NUP62CL: variants seen among roughly 807,000 people sequenced by gnomAD.
NUP62CL encodes the protein nucleoporin-62 C-terminal-like protein.
A neutral mutation model predicts 15.3 loss-of-function variants in NUP62CL; 13 were observed. The observed-to-expected ratio is 0.85, with a 90% confidence interval of 0.55 to 1.35. The LOEUF (loss-of-function observed/expected upper bound fraction) is 1.35. NUP62CL is among the 40% of genes most tolerant of loss of function. The pLI, the probability that NUP62CL is intolerant of heterozygous loss-of-function variation, is 0.00. For missense variants in NUP62CL, 123 were observed against 130.6 expected (o/e 0.94, Z 0.28); for synonymous variants, 54 against 49.2 (o/e 1.10, Z -0.41).
At chrX:107,125,036 AGGTT>A (rs1925355549) in intron 8 of NUP62CL, among the ~76,000 whole-genome samples, 2 of 111,724 alleles carry the variant, frequency 1.8e-5, no homozygotes, top group Non-Finnish European at 3.8e-5. Context: ...TGGAAAACAT[AGGTT>A]TAAACTGCGC....
At chrX:107,189,940 AGAAAG>A (rs1927197530) in intron 2 of NUP62CL, among the ~76,000 whole-genome samples, 2 of 104,713 alleles carry the variant, frequency 1.9e-5, no homozygotes, top group East Asian at 2.9e-4. Flanking sequence ...AAAGAAAGAA[AGAAAG>A]AGAATCGATA....
chrX:107,196,746 G>A lies in NUP62CL; in HGVS notation c.-91-3674C>T, dbSNP rs770162807. ...ATTACAGGTGTGAGCCACCACGCCCGGCCTCCTTTATGTATTTCAAGACTG... is the reference window on the plus strand; with the variant it reads ...ATTACAGGTGTGAGCCACCACGCCCAGCCTCCTTTATGTATTTCAAGACTG... On this transcript the variant is annotated intron_variant, in intron 1 of 8. Coordinates refer to ENST00000372466, the MANE Select transcript of NUP62CL (RefSeq NM_017681.3). 3.7e-4 allele frequency among the ~76,000 whole-genome samples: 42 copies of A among 112,022 alleles called. No homozygotes were observed. In the South Asian group the frequency reaches 8.2e-3, roughly 22 times the overall value.
chrX:107,182,591 G>A (rs1388815998), intron 2 of NUP62CL, among the ~76,000 whole-genome samples: 1 of 110,898 alleles, frequency 9.0e-6, no homozygotes, highest in Admixed American at 9.6e-5. Context: ...GCATGCTACA[G>A]TAACAAAAAT....
chrX:107,163,399 A>C (rs929882837), intron 4 of NUP62CL, among the ~76,000 whole-genome samples: 1 of 110,912 alleles, frequency 9.0e-6, no homozygotes, highest in African/African-American at 3.3e-5. Context: ...ACAAGATGAA[A>C]CCCCCCCAAA....
chrX:107,180,752 A>G (rs973823015), intron 2 of NUP62CL, among the ~76,000 whole-genome samples: 1 of 111,242 alleles, frequency 9.0e-6, no homozygotes, highest in Non-Finnish European at 1.9e-5. Context: ...AAAGATGCAG[A>G]TGGGGAATAA....
chrX:107,166,589 A>G (rs1926520942), intron 4 of NUP62CL, among the ~76,000 whole-genome samples: 1 of 112,196 alleles, frequency 8.9e-6, no homozygotes, highest in African/African-American at 3.2e-5. Context: ...CCACAGAAAT[A>G]CTTATATTCA....
At chrX:107,170,115 C>T (rs1165981983) in intron 3 of NUP62CL, among the ~76,000 whole-genome samples, 5 of 101,417 alleles carry the variant, frequency 4.9e-5, no homozygotes, top group South Asian at 4.4e-4. Context: ...GCTAAGTGAG[C>T]GACAGAGCGA....
intron 1 of NUP62CL, 85 bp from the exon 2 acceptor site, chrX:107,193,157 C>T (rs999652705): frequency 1.8e-5 from 2 of 112,255 alleles, no homozygotes; most frequent in East Asian, 5.6e-4. Flanking sequence ...AGAAGCCACA[C>T]TGGAGTTGCT....
At chrX:107,173,233 G>A (rs1926693276) in intron 3 of NUP62CL, among the ~76,000 whole-genome samples, 1 of 112,137 alleles carries the variant, frequency 8.9e-6, no homozygotes, top group Non-Finnish European at 1.9e-5. Context: ...AAAAACCATG[G>A]TCAAACCATT....
chrX:107,177,612 C>A (rs776753651), intron 2 of NUP62CL, among the ~76,000 whole-genome samples: 5 of 111,459 alleles, frequency 4.5e-5, no homozygotes, highest in South Asian at 3.8e-4. Flanking sequence ...AAATGGCCAA[C>A]AAAGCACATG....
intron 2 of NUP62CL, among the ~76,000 whole-genome samples, chrX:107,189,828 G>GGGAA (rs147140354): frequency 0.2 from 10,793 of 53,537 alleles, 1,619 homozygotes; most frequent in Non-Finnish European, 0.23. Flanking sequence ...GAAAGAAGGA[G>GGGAA]GGAAGGAAGG....
intron 3 of NUP62CL, among the ~76,000 whole-genome samples, chrX:107,174,219 T>G (rs1043155273): frequency 9.6e-6 from 1 of 103,731 alleles, no homozygotes; most frequent in Non-Finnish European, 2.0e-5. Context: ...TGGTGCAATC[T>G]TGGCTCACTG....
At chrX:107,145,399 G>A (rs1371134974) in intron 8 of NUP62CL, among the ~76,000 whole-genome samples, 1 of 111,144 alleles carries the variant, frequency 9.0e-6, no homozygotes, top group Non-Finnish European at 1.9e-5. Context: ...TTTAGGCAAA[G>A]TCTATAAAAA....
intron 1 of NUP62CL, among the ~76,000 whole-genome samples, chrX:107,200,527 G>A (rs1384085609): frequency 1.8e-5 from 2 of 109,014 alleles, no homozygotes. Context: ...GCTGAGGCAG[G>A]AGAATCGCTT....
intron 2 of NUP62CL, among the ~76,000 whole-genome samples, chrX:107,189,713 G>A (rs1927160077): frequency 9.4e-6 from 1 of 106,559 alleles, no homozygotes. Context: ...CTTGAGCCTG[G>A]GAGGTCGAGG....
chrX:107,168,578 C>A (rs947296513), intron 3 of NUP62CL, among the ~76,000 whole-genome samples: 2 of 112,225 alleles, frequency 1.8e-5, no homozygotes, highest in Admixed American at 1.9e-4. Flanking sequence ...TAAATTTCTG[C>A]AGCACTTTTG....
At chrX:107,133,983 T>A (rs182164329) in intron 8 of NUP62CL, among the ~76,000 whole-genome samples, 1 of 112,154 alleles carries the variant, frequency 8.9e-6, no homozygotes, top group East Asian at 2.8e-4. Flanking sequence ...CTGCAAAGTC[T>A]CTTTTGCTAG....
intron 2 of NUP62CL, among the ~76,000 whole-genome samples, chrX:107,176,164 G>A (rs1018871077): frequency 9.0e-6 from 1 of 111,533 alleles, no homozygotes; most frequent in African/African-American, 3.3e-5. Flanking sequence ...TTGAAACAGA[G>A]TGTGAGGACA....
chrX:107,175,516 ACCAGCAAAAAGTT>A (rs748038304), intron 2 of NUP62CL, among the ~76,000 whole-genome samples: 1 of 112,158 alleles, frequency 8.9e-6, no homozygotes, highest in East Asian at 2.8e-4. Flanking sequence ...TAAATCCATA[ACCAGCAAAAAGTT>A]CCAGCAAAAA....
Sources: allele counts gnomAD v4.1 joint callset (sites outside exome capture counted in the v4.1 genomes callset), GRCh38; gene constraint gnomAD v4.1.1; transcripts MANE v1.5; gene names NCBI Gene and HGNC (gene_info 2026-07-23, HGNC 2026-07-21).